PRH1: variants seen among roughly 807,000 people sequenced by gnomAD.
PRH1 encodes proline rich protein HaeIII subfamily 1.
A neutral mutation model predicts 7.9 loss-of-function variants in PRH1; 7 were observed. The observed-to-expected ratio is 0.89, with a 90% CI of 0.50 to 1.67. The LOEUF is 1.67. Ranked by LOEUF, PRH1 falls within the 40% of genes most tolerant of loss-of-function variation. The probability of loss-of-function intolerance (pLI) is 0.00; values close to 1 mark genes in which losing one functional copy is unlikely to be tolerated. For missense variants in PRH1, 109 were observed against 223.6 expected, an observed-to-expected ratio of 0.49 and a Z score of 3.27; for synonymous variants, 45 against 80.8, an observed-to-expected ratio of 0.56 and a Z score of 2.38.
chr12:11,133,172 C>T (rs1946423208), intron 1 of PRH1: 1 of 1,308,742 alleles, frequency 7.6e-7, no homozygotes, highest in Admixed American at 3.2e-5. Flanking sequence ...TCTAGACTAA[C>T]TTTAGGTAAA....
intron 1 of PRH1, among the ~76,000 whole-genome samples, chr12:11,013,227 A>G (rs1868760): frequency 0.3 from 46,375 of 152,096 alleles, 8,943 homozygotes; most frequent in East Asian, 0.74. Context: ...CACTAATCAG[A>G]ATTCTGTGGT....
chr12:11,151,243 T>C (rs2136426962), intron 1 of PRH1, among the ~76,000 whole-genome samples: 1 of 151,016 alleles, frequency 6.6e-6, no homozygotes, highest in South Asian at 2.1e-4. Context: ...TGCAGGCTGC[T>C]GGCCAAAAAC....
rs185389275 is a variant in PRH1, at chr12:11,074,724, C to A, written n.124-27536G>T. On this transcript the variant is annotated intron_variant and non_coding_transcript_variant, in intron 1 of 4. Coordinates refer to the PRH1 transcript ENST00000541977. Reference sequence around the variant, plus strand: ...TTAGTCTGACTTTCCCAAACAGCCACCAAGGGGTTGGATAATGTAAGGAAG... The same window carrying A: ...TTAGTCTGACTTTCCCAAACAGCCAACAAGGGGTTGGATAATGTAAGGAAG... 2.1e-4 allele frequency among the ~76,000 whole-genome samples: 24 copies of A among 114,756 alleles called. 3 individuals are homozygous for A. The East Asian group carries it at 4.4e-3, about 21-fold the overall frequency. The allele number at this position is 114,756 out of a possible 152,430, so 75.3% of individuals were successfully genotyped here. A position where few individuals can be genotyped will look rare whatever the true frequency, so the allele number is the denominator to read the frequency against.
intron 1 of PRH1, chr12:11,076,635 C>T (rs1346796802): frequency 8.5e-6 from 1 of 117,542 alleles, no homozygotes; most frequent in East Asian, 2.1e-4. Flanking sequence ...TATAACAGCA[C>T]TGAAAGGATC....
intron 1 of PRH1, among the ~76,000 whole-genome samples, chr12:10,976,382 A>G (rs1939098350): frequency 6.6e-6 from 1 of 152,210 alleles, no homozygotes; most frequent in Admixed American, 6.5e-5. Flanking sequence ...ATGAGAAAAA[A>G]GATACAACAT....
At chr12:10,930,316 T>A (rs1330780133) in intron 2 of PRH1, 1 of 1,609,136 alleles carries the variant, frequency 6.2e-7, no homozygotes, top group Admixed American at 1.7e-5. Context: ...TAAATCCCAA[T>A]AAATTCTCAG....
chr12:10,935,431 C>A (rs770146303), intron 2 of PRH1, among the ~76,000 whole-genome samples: 1 of 152,180 alleles, frequency 6.6e-6, no homozygotes, highest in Middle Eastern at 3.4e-3. Flanking sequence ...CATTTGAGAA[C>A]CATTTACAGG....
intron 2 of PRH1, among the ~76,000 whole-genome samples, chr12:10,903,454 G>A (rs1337362061): frequency 6.6e-6 from 1 of 151,828 alleles, no homozygotes; most frequent in African/African-American, 2.4e-5. Context: ...AGATCATTGA[G>A]GCAGAAAACT....
chr12:10,897,102 T>C (rs1005781480), intron 2 of PRH1: 1 of 152,136 alleles, frequency 6.6e-6, no homozygotes, highest in African/African-American at 2.4e-5. Flanking sequence ...TTTACGTCCT[T>C]TTACCCCAGG....
chr12:11,015,123 G>A (rs975022336), intron 1 of PRH1, among the ~76,000 whole-genome samples: 1 of 152,154 alleles, frequency 6.6e-6, no homozygotes, highest in Non-Finnish European at 1.5e-5. Flanking sequence ...AGGGAAGAAT[G>A]CCTCATGCAA....
intron 2 of PRH1, among the ~76,000 whole-genome samples, chr12:10,903,431 G>A (rs1233760579): frequency 6.6e-6 from 1 of 152,000 alleles, no homozygotes; most frequent in African/African-American, 2.4e-5. Context: ...ACACCCCACT[G>A]AGAAGATTGG....
At chr12:11,112,236 T>C (rs551776540) in intron 1 of PRH1, among the ~76,000 whole-genome samples, 7 of 152,166 alleles carry the variant, frequency 4.6e-5, no homozygotes, top group African/African-American at 1.7e-4. Context: ...AAAGAGGAGA[T>C]GGTACCATTC....
At chr12:11,056,082 A>C (rs568871150) in intron 1 of PRH1, among the ~76,000 whole-genome samples, 2 of 147,256 alleles carry the variant, frequency 1.4e-5, no homozygotes, top group South Asian at 4.3e-4. Flanking sequence ...AAAATGAAAA[A>C]ATAATTTTCT....
chr12:11,132,039 AATCAGGT>A (rs1946360594), intron 1 of PRH1, among the ~76,000 whole-genome samples: 1 of 152,198 alleles, frequency 6.6e-6, no homozygotes, highest in Non-Finnish European at 1.5e-5. Flanking sequence ...AAAATACATG[AATCAGGT>A]GTGGGGATGA....
intron 1 of PRH1, among the ~76,000 whole-genome samples, chr12:11,157,364 T>C (rs1445863079): frequency 6.6e-6 from 1 of 152,190 alleles, no homozygotes; most frequent in Non-Finnish European, 1.5e-5. Context: ...ATTTAAGTAG[T>C]CCTTTTACTC....
chr12:11,095,812 A>AAAT (rs1231452579), intron 1 of PRH1, among the ~76,000 whole-genome samples: 1 of 115,202 alleles, frequency 8.7e-6, no homozygotes, highest in African/African-American at 2.9e-5. Flanking sequence ...CTACCAACAA[A>AAAT]AATAATAATA....
chr12:11,062,358 A>G, intron 1 of PRH1: 2 of 1,440,814 alleles, frequency 1.4e-6, no homozygotes, highest in Non-Finnish European at 1.8e-6. Context: ...TGATTGCTTG[A>G]ATATCCTGAC....
intron 2 of PRH1, among the ~76,000 whole-genome samples, chr12:10,945,744 T>C (rs1419468899): frequency 6.6e-6 from 1 of 152,034 alleles, no homozygotes; most frequent in East Asian, 1.9e-4. Flanking sequence ...AGCCTGGGAG[T>C]GCTACGGGAG....
At chr12:11,033,414 T>C (rs376476572) in intron 1 of PRH1, among the ~76,000 whole-genome samples, 143 of 148,542 alleles carry the variant, frequency 9.6e-4, no homozygotes, top group African/African-American at 3.6e-3. Context: ...AAAACCAACA[T>C]CAAACGACAT....
Sources: gnomAD v4.1 joint callset for allele counts (sites outside exome capture counted in the v4.1 genomes callset) on GRCh38, gnomAD v4.1.1 for gene constraint, MANE v1.5 for transcripts, NCBI Gene and HGNC (gene_info 2026-07-23, HGNC 2026-07-21) for gene names.